MKLN1: variants seen among roughly 807,000 people sequenced by gnomAD.
The protein encoded by MKLN1 is muskelin.
Under a neutral mutation model 99.0 loss-of-function variants are expected in MKLN1, and 18 were observed. The observed-to-expected ratio is 0.18, with a 90% CI of 0.13 to 0.27. MKLN1 has a LOEUF of 0.27. MKLN1 is among the 10% of genes least tolerant of loss of function. The probability of loss-of-function intolerance (pLI) is 1.00; values close to 1 mark genes in which losing one functional copy is unlikely to be tolerated. For missense variants in MKLN1, 621 were observed against 875.9 expected, an observed-to-expected ratio of 0.71 and a Z score of 3.67; for synonymous variants, 288 against 293.2, an observed-to-expected ratio of 0.98 and a Z score of 0.18.
At chr7:131,229,161 C>CT (rs35413730) in intron 3 of MKLN1, among the ~76,000 whole-genome samples, 29 of 148,062 alleles carry the variant, frequency 2.0e-4, no homozygotes, top group South Asian at 2.1e-4. Context: ...TTTAGGGATT[C>CT]TTTTTTTTTT....
intron 3 of MKLN1, among the ~76,000 whole-genome samples, chr7:131,267,830 A>G (rs1797831124): frequency 6.6e-6 from 1 of 152,224 alleles, no homozygotes; most frequent in Non-Finnish European, 1.5e-5. Flanking sequence ...TCCCAATAAC[A>G]TCTTCAGGCA....
chr7:131,284,656 G>A (rs543908232), intron 3 of MKLN1, among the ~76,000 whole-genome samples: 7 of 152,180 alleles, frequency 4.6e-5, no homozygotes, highest in Non-Finnish European at 1.0e-4. Context: ...TGAATAGGGT[G>A]GGCCCTTTCT....
chr7:131,448,072 C>G (rs1360906359), intron 12 of MKLN1, among the ~76,000 whole-genome samples: 1 of 152,004 alleles, frequency 6.6e-6, no homozygotes, highest in African/African-American at 2.4e-5. Flanking sequence ...ACTAAAAATA[C>G]AAAAAATTAG....
At chr7:131,301,751 T>A (rs1386283430) in intron 3 of MKLN1, among the ~76,000 whole-genome samples, 2 of 152,194 alleles carry the variant, frequency 1.3e-5, no homozygotes, top group African/African-American at 2.4e-5. Flanking sequence ...TAGGATTTGC[T>A]ATCACCAGGC....
intron 1 of MKLN1, among the ~76,000 whole-genome samples, chr7:131,358,473 G>A (rs1254452335): frequency 2.0e-5 from 3 of 152,114 alleles, no homozygotes; most frequent in African/African-American, 7.2e-5. Flanking sequence ...ATATTCATAA[G>A]AGATTGGCTG....
At chr7:131,319,347 C>T (rs1277474736) in intron 3 of MKLN1, among the ~76,000 whole-genome samples, 4 of 151,668 alleles carry the variant, frequency 2.6e-5, no homozygotes, top group Admixed American at 2.0e-4. Flanking sequence ...ACAAAAACCA[C>T]GATTATCTCA....
intron 10 of MKLN1, among the ~76,000 whole-genome samples, chr7:131,440,688 C>T (rs1795812323): frequency 1.3e-5 from 2 of 149,536 alleles, no homozygotes; most frequent in South Asian, 2.1e-4. Flanking sequence ...AATGATTAAC[C>T]AGGGAAGGTA....
chr7:131,131,043 C>A (rs566930655), intron 1 of MKLN1, among the ~76,000 whole-genome samples: 83 of 119,636 alleles, frequency 6.9e-4, no homozygotes, highest in Middle Eastern at 4.6e-3. Flanking sequence ...CAGAGGGAGA[C>A]CCTGTCTCAA....
At chr7:131,258,610 G>A (rs1584872883) in intron 3 of MKLN1, among the ~76,000 whole-genome samples, 1 of 152,158 alleles carries the variant, frequency 6.6e-6, no homozygotes, top group South Asian at 2.1e-4. Flanking sequence ...GGTTACAATT[G>A]TTGGTATAAA....
intron 1 of MKLN1, among the ~76,000 whole-genome samples, chr7:131,122,824 AT>A (rs1795393370): frequency 6.6e-6 from 1 of 151,988 alleles, no homozygotes; most frequent in Non-Finnish European, 1.5e-5. Flanking sequence ...GATGGAGACC[AT>A]CCTGGCTAAC....
Position 131,490,441 on chromosome 7 carries a change from C to T in MKLN1, c.*2713C>T, listed in dbSNP as rs1321687824. The T allele has an allele frequency of 6.6e-6, 1 of 152,560 alleles. No individual in the cohort carries two copies. The highest frequency in any genetic ancestry group is 1.5e-5 in the Non-Finnish European group (1 of 68,008). 9.5% of individuals were successfully genotyped at this position (152,560 alleles called of 1,614,324 possible). On this transcript the variant is annotated 3_prime_UTR_variant, in exon 18 of 18. Coordinates refer to ENST00000352689, the MANE Select transcript of MKLN1 (RefSeq NM_013255.5). ...ATGAGAAATAATCTGATTTTCAAGA[C>T]ACCTCTTAAGTGCATTTGCATTTTA...
chr7:131,227,812 C>T (rs901312769), intron 3 of MKLN1, among the ~76,000 whole-genome samples: 29 of 152,208 alleles, frequency 1.9e-4, no homozygotes, highest in African/African-American at 5.1e-4. Flanking sequence ...GGAATCTGCC[C>T]GCCTCAGCCT....
chr7:131,124,098 T>A (rs937348294), intron 1 of MKLN1, among the ~76,000 whole-genome samples: 2 of 152,234 alleles, frequency 1.3e-5, no homozygotes, highest in African/African-American at 4.8e-5. Flanking sequence ...GAAATGAGGA[T>A]AATAACACCT....
intron 5 of MKLN1, among the ~76,000 whole-genome samples, chr7:131,398,181 G>A (rs1584696546): frequency 6.6e-6 from 1 of 152,080 alleles, no homozygotes; most frequent in East Asian, 1.9e-4. Context: ...TCATCTGTTT[G>A]TTTGAATAGT....
At chr7:131,372,444 A>C (rs1793493312) in intron 1 of MKLN1, among the ~76,000 whole-genome samples, 1 of 152,116 alleles carries the variant, frequency 6.6e-6, no homozygotes, top group Non-Finnish European at 1.5e-5. Context: ...GAATTATATT[A>C]ATAACTTAGT....
intron 2 of MKLN1, among the ~76,000 whole-genome samples, chr7:131,381,480 C>G (rs1380805796): frequency 6.6e-6 from 1 of 152,170 alleles, no homozygotes; most frequent in East Asian, 1.9e-4. Flanking sequence ...AAAATATTGC[C>G]CCCATCACTG....
chr7:131,159,380 T>C (rs1195248446), intron 2 of MKLN1, among the ~76,000 whole-genome samples: 4 of 152,124 alleles, frequency 2.6e-5, no homozygotes, highest in African/African-American at 4.8e-5. Context: ...TGGACTATTA[T>C]TCAGCCATTT....
chr7:131,178,252 G>A (rs927822210), intron 2 of MKLN1, among the ~76,000 whole-genome samples: 5 of 145,110 alleles, frequency 3.4e-5, no homozygotes, highest in African/African-American at 1.0e-4. Flanking sequence ...GAGTAGCTGC[G>A]ATTACAGGCG....
At chr7:131,411,506 G>A (rs777065608) in intron 7 of MKLN1, 123 bp downstream of exon 7, 2 of 692,230 alleles carry the variant, frequency 2.9e-6, no homozygotes, top group South Asian at 3.4e-5. Flanking sequence ...CAGTTGCAGT[G>A]GCTCATGTCT....
Sources: gnomAD v4.1 joint callset for allele counts (sites outside exome capture counted in the v4.1 genomes callset) on GRCh38, gnomAD v4.1.1 for gene constraint, MANE v1.5 for transcripts, NCBI Gene and HGNC (gene_info 2026-07-23, HGNC 2026-07-21) for gene names.